Variants in GLYATL1 observed in about 807,000 individuals in gnomAD.
GLYATL1 encodes the protein glycine N-acyltransferase-like protein 1.
GLYATL1 carries 15 observed loss-of-function variants against 20.0 expected under a neutral mutation model. The ratio of observed to expected loss-of-function variants is 0.75; its 90% CI spans 0.50 to 1.15. The LOEUF (loss-of-function observed/expected upper bound fraction) is 1.15, where lower values mean the gene tolerates loss of function less well. Among genes scored for constraint, GLYATL1 ranks in the 50% most tolerant of loss-of-function variants. The pLI is 0.00. For missense variants in GLYATL1, 380 were observed against 368.5 expected, an observed-to-expected ratio of 1.03 and a Z score of -0.26; for synonymous variants, 151 against 131.5, an observed-to-expected ratio of 1.15 and a Z score of -1.01.
chr11:58,940,080 C>T (rs981489846), intron 1 of GLYATL1, among the ~76,000 whole-genome samples: 3 of 152,168 alleles, frequency 2.0e-5, no homozygotes, highest in Non-Finnish European at 4.4e-5. Flanking sequence ...TTTTGTAACA[C>T]TGTTTGACCC....
At chr11:58,949,648 A>T (rs1427649988) in intron 4 of GLYATL1, among the ~76,000 whole-genome samples, 2 of 152,142 alleles carry the variant, frequency 1.3e-5, no homozygotes, top group Non-Finnish European at 2.9e-5. Context: ...AAAAATATGA[A>T]AATATAAAAG....
At position 58,955,889 on chromosome 11, in the gene GLYATL1, GA is replaced by G. The variant is rs1263183201; in HGVS notation, c.773del (p.Lys258ArgfsTer42). On this transcript the variant is annotated frameshift_variant, in exon 7 of 7. Coordinates refer to ENST00000532726, the MANE Select transcript of GLYATL1 (RefSeq NM_001389712.2). LOFTEE classifies it low-confidence loss of function (END_TRUNC). ...TGCGATACATGAAATATCTGCGTCA[GA>G]AGAATATTCCATTTTACATCTCTGT... is the stretch of plus-strand genomic sequence containing the variant. ...MVRYMKYLRQ[K>X]NIPFYISVLE... 3 of 1,614,200 alleles carry G rather than the reference GA, an allele frequency of 1.9e-6. No individual in the cohort carries two copies. The highest frequency in any genetic ancestry group is 2.2e-5 in the South Asian group (2 of 91,082).
downstream of GLYATL1, among the ~76,000 whole-genome samples, chr11:58,912,632 G>C (rs186019544): frequency 5.3e-5 from 8 of 152,320 alleles, no homozygotes; most frequent in East Asian, 1.3e-3. Context: ...AGATGTGACA[G>C]TCTGCCAGGT....
intron 4 of GLYATL1, among the ~76,000 whole-genome samples, chr11:58,953,388 CTGTTT>C (rs1179201579): frequency 4.8e-4 from 44 of 90,798 alleles, no homozygotes; most frequent in African/African-American, 1.6e-3. Flanking sequence ...AGCTTACAGT[CTGTTT>C]TTTTTTTTTT....
chr11:58,915,793 T>C (rs970940051), intron 1 of GLYATL1, among the ~76,000 whole-genome samples: 1 of 152,126 alleles, frequency 6.6e-6, no homozygotes, highest in Admixed American at 6.5e-5. Flanking sequence ...TGGGCATCCG[T>C]TTCTCCATTT....
intron 1 of GLYATL1, among the ~76,000 whole-genome samples, chr11:58,916,562 G>T (rs1475151769): frequency 6.6e-6 from 1 of 152,160 alleles, no homozygotes; most frequent in Non-Finnish European, 1.5e-5. Context: ...TCCCACAGAG[G>T]CTTCACAGTG....
At position 58,943,626 on chromosome 11, in the gene GLYATL1, A is replaced by G. The variant is rs1264968589; in HGVS notation, c.-83A>G. The G allele has an allele frequency of 6.2e-7, 1 of 1,613,612 alleles. No individual in the cohort carries two copies. The highest frequency in any genetic ancestry group is 8.5e-7 in the Non-Finnish European group (1 of 1,179,606). The stretch of plus-strand genomic sequence containing the variant: ...AACACGGAAGGTACCTGCAGGATCC[A>G]ATTGTGTCCATTGATCTCTCAGAGT... On this transcript the variant is annotated 5_prime_UTR_variant, in exon 2 of 7. Coordinates refer to ENST00000532726, the MANE Select transcript of GLYATL1 (RefSeq NM_001389712.2).
In GLYATL1 at chr11:58,954,799, A is replaced by T. The variant is rs149157827; in HGVS notation, c.216A>T (p.Thr72=). The T allele has an allele frequency of 2.9e-5, 47 of 1,609,426 alleles. No individual in the cohort carries two copies. Among genetic ancestry groups the T allele is most frequent in the Admixed American group, 5.1e-5 (3 of 58,996 alleles). ...TGACTGATGACATGGATTCATACAC[A>T]AACGTATATCGTATGTTCTCCAAAG... ...QEMTDDMDSY[T]NVYRMFSKEP... The change falls in exon 5 of 7, where the codon ACA becomes ACT. Residue 72 remains threonine (T), a synonymous_variant. Transcript: ENST00000532726.
chr11:58,943,716 C>G, intron 2 of GLYATL1, 50 bp downstream of exon 2: 1 of 1,597,500 alleles, frequency 6.3e-7, no homozygotes, highest in Non-Finnish European at 8.5e-7. Flanking sequence ...GTTTTGAGCT[C>G]TCTGAGTTGC....
intron 3 of GLYATL1, chr11:58,947,603 GCATTGC>G (rs1166309042): frequency 1.9e-6 from 1 of 515,148 alleles, no homozygotes; most frequent in African/African-American, 1.9e-5. Flanking sequence ...AATGCTAAGA[GCATTGC>G]CAAGTGCCCA....
At chr11:58,932,497 A>G (rs1437513786) in intron 1 of GLYATL1, among the ~76,000 whole-genome samples, 1 of 152,196 alleles carries the variant, frequency 6.6e-6, no homozygotes, top group Non-Finnish European at 1.5e-5. Context: ...TTTTACATCT[A>G]CACTTGAGAG....
At chr11:58,907,351 A>G (rs750957950) in exon 2 of GLYATL1, 1 of 456,074 alleles carries the variant, frequency 2.2e-6, no homozygotes, top group Non-Finnish European at 4.4e-6. Context: ...TCCTTGCGAC[A>G]CTGGCCTGGA....
downstream of GLYATL1, among the ~76,000 whole-genome samples, chr11:58,911,282 G>A (rs1050606307): frequency 6.6e-6 from 1 of 152,164 alleles, no homozygotes; most frequent in African/African-American, 2.4e-5. Flanking sequence ...AAGCTGTTGG[G>A]AACATTTGCA....
chr11:58,911,371 T>C (rs112277081), downstream of GLYATL1, among the ~76,000 whole-genome samples: 6 of 152,330 alleles, frequency 3.9e-5, 1 homozygote, highest in African/African-American at 1.4e-4. Context: ...GGAAAGTGTA[T>C]GTTTAACTTT....
chr11:58,955,952 G>A lies in GLYATL1; in HGVS notation c.834G>A (p.Gly278=), dbSNP rs760562822. The change falls in exon 7 of 7, where the codon GGG becomes GGA. Residue 278 remains glycine, a synonymous_variant. Coordinates refer to ENST00000532726, the MANE Select transcript of GLYATL1 (RefSeq NM_001389712.2). ...ATGAAGACTCCCGCAGATTTGTGGGGCAGTTTGGTTTCTTTGAGGCCTCCT... is the reference window on the plus strand; with the variant it reads ...ATGAAGACTCCCGCAGATTTGTGGGACAGTTTGGTTTCTTTGAGGCCTCCT... ...EENEDSRRFV[G]QFGFFEASCE... 6 of 1,614,180 alleles carry A rather than the reference G, an allele frequency of 3.7e-6. No individual in the cohort carries two copies. In the East Asian group the frequency reaches 8.9e-5, roughly 24 times the overall value.
chr11:58,947,001 T>C (rs1565131023), intron 2 of GLYATL1, 45 bp from the exon 3 acceptor site: 1 of 1,405,162 alleles, frequency 7.1e-7, no homozygotes, highest in Admixed American at 1.7e-5. Context: ...CATTTTAAAT[T>C]CATTTGTTTC....
chr11:58,940,842 T>C (rs513677), intron 1 of GLYATL1, among the ~76,000 whole-genome samples: 76,374 of 151,904 alleles, frequency 0.5, 19,240 homozygotes, highest in East Asian at 0.58. Context: ...TGATTCATGC[T>C]TGTAGTTCCA....
At chr11:58,953,480 C>T (rs547318060) in intron 4 of GLYATL1, among the ~76,000 whole-genome samples, 7 of 142,746 alleles carry the variant, frequency 4.9e-5, no homozygotes, top group Non-Finnish European at 1.1e-4. Flanking sequence ...TTCTTCTTCT[C>T]TCTCTGTTTT....
upstream of GLYATL1, among the ~76,000 whole-genome samples, chr11:58,925,183 CT>C (rs1855399337): frequency 6.6e-6 from 1 of 152,074 alleles, no homozygotes; most frequent in Non-Finnish European, 1.5e-5. Context: ...TCTTTATAAT[CT>C]TTAAAGAGCA....
Sources: gnomAD v4.1 joint callset for allele counts (sites outside exome capture counted in the v4.1 genomes callset) on GRCh38, gnomAD v4.1.1 for gene constraint, MANE v1.5 for transcripts, NCBI Gene and HGNC (gene_info 2026-07-23, HGNC 2026-07-21) for gene names.